The following WFDC3 variants were observed in gnomAD, a reference collection of about 807,000 sequenced individuals.
WFDC3 encodes the protein WAP four-disulfide core domain protein 3.
WFDC3 carries 15 observed loss-of-function variants against 25.8 expected under a neutral mutation model. The observed-to-expected ratio is 0.58, with a 90% CI of 0.39 to 0.89. The LOEUF (loss-of-function observed/expected upper bound fraction) is 0.89. Among genes scored for constraint, WFDC3 ranks in the 40% least tolerant of loss-of-function variants. The pLI is 0.00. For missense variants in WFDC3, 264 were observed against 289.8 expected (o/e 0.91, Z 0.65); for synonymous variants, 103 against 107.1 (o/e 0.96, Z 0.24).
chr20:45,784,418 A>G (rs1447857063), intron 4 of WFDC3, among the ~76,000 whole-genome samples: 1 of 152,158 alleles, frequency 6.6e-6, no homozygotes, highest in African/African-American at 2.4e-5. Flanking sequence ...GAAGAAAACC[A>G]TCCTGGTTTT....
chr20:45,791,601 A>T (rs927743234), intron 1 of WFDC3, among the ~76,000 whole-genome samples: 1 of 152,246 alleles, frequency 6.6e-6, no homozygotes, highest in African/African-American at 2.4e-5. Context: ...CTGGCCGAGC[A>T]TATTAAAATC....
Position 45,775,629 on chromosome 20 carries a change from G to T in WFDC3, c.494-27C>A, listed in dbSNP as rs1339102829. On this transcript the variant is annotated intron_variant, in intron 5 of 6. Coordinates refer to ENST00000243938, the MANE Select transcript of WFDC3 (RefSeq NM_080614.2). ...TGTGGGAACAACAGGCACAGGAAAA[G>T]GGACAGGGCATCAGCTCTGCCATCT... 3.7e-6 allele frequency: 6 copies of T among 1,613,004 alleles called. No homozygotes were observed. In the African/African-American group the frequency reaches 8.0e-5, roughly 22 times the overall value.
In WFDC3 at chr20:45,791,173, C is replaced by CTT. The variant is rs71181859; in HGVS notation, c.-8+657_-8+658dup. 1.3e-3 allele frequency among the ~76,000 whole-genome samples: 81 copies of CTT among 63,918 alleles called. 9 individuals are homozygous for CTT. Among genetic ancestry groups the CTT allele is most frequent in the South Asian group, 2.9e-3 (4 of 1,394 alleles). 41.9% of individuals were successfully genotyped at this position (63,918 alleles called of 152,430 possible). A position where few individuals can be genotyped will look rare whatever the true frequency, so the allele number is the denominator to read the frequency against. ...GATGACCTCATATGTGCCTAATATGCTTTTTTTTTTTTTTTTTTTTTTTTT... is the reference window on the plus strand; with the variant it reads ...GATGACCTCATATGTGCCTAATATGCTTTTTTTTTTTTTTTTTTTTTTTTTTT... On this transcript the variant is annotated intron_variant, in intron 1 of 6. Transcript: ENST00000243938.
chr20:45,775,392 G>A (rs1458950544), intron 6 of WFDC3, 25 bp downstream of exon 6: 1 of 1,609,046 alleles, frequency 6.2e-7, no homozygotes, highest in Non-Finnish European at 8.5e-7. Context: ...GTCTGTTATT[G>A]TTGATGACAA....
intron 4 of WFDC3, among the ~76,000 whole-genome samples, chr20:45,783,788 A>G (rs1161406317): frequency 6.6e-6 from 1 of 152,072 alleles, no homozygotes; most frequent in Non-Finnish European, 1.5e-5. Context: ...GGAAAGCGAA[A>G]TTTTTCATAG....
chr20:45,790,101 C>G, intron 1 of WFDC3, 119 bp from the exon 2 acceptor site: 1 of 650,360 alleles, frequency 1.5e-6, no homozygotes, highest in Admixed American at 2.8e-5. Flanking sequence ...CCTTCCCTTT[C>G]ACAATACTCC....
intron 4 of WFDC3, among the ~76,000 whole-genome samples, chr20:45,778,501 C>T (rs770860747): frequency 3.3e-5 from 5 of 152,220 alleles, no homozygotes; most frequent in Admixed American, 6.5e-5. Flanking sequence ...TACTCTCTTG[C>T]AACAAGGGGT....
rs1262365916 is a variant in WFDC3, at chr20:45,775,541, A to G, written c.555T>C (p.Asp185=). Residue 185 remains aspartate, a synonymous_variant, in exon 6 of 7, where the codon GAT becomes GAC. Transcript: ENST00000243938. ...VGLCIVGCVM[D]ENCQAGEKCC... is the part of the protein sequence containing the mutation. ...ATTTTTCTCCAGCTTGACAATTCTC[A>G]TCCATCACACAGCCAACAATGCACA... is the stretch of plus-strand genomic sequence containing the variant. The G allele has an allele frequency of 6.2e-7, 1 of 1,613,178 alleles. No individual in the cohort carries two copies. The highest frequency in any genetic ancestry group is 2.2e-5 in the East Asian group (1 of 44,868).
At chr20:45,788,198 G>A (rs994487111) in intron 3 of WFDC3, 22 of 353,650 alleles carry the variant, frequency 6.2e-5, no homozygotes, top group Non-Finnish European at 9.7e-5. Context: ...CAGCTACTTG[G>A]GAGGCTGAGG....
intron 4 of WFDC3, among the ~76,000 whole-genome samples, chr20:45,785,632 ATAT>A (rs1456450601): frequency 3.3e-5 from 5 of 152,124 alleles, no homozygotes; most frequent in African/African-American, 1.2e-4. Flanking sequence ...AAAATAGATA[ATAT>A]TATAATAAAA....
rs1045796694 is a variant in WFDC3, at chr20:45,788,159, CG to C, written c.212-178del. The C allele has an allele frequency of 1.9e-4, 102 of 534,678 alleles. No homozygotes were observed. In the African/African-American group the frequency reaches 2.0e-3, roughly 10 times the overall value. 33.1% of individuals were successfully genotyped at this position (534,678 alleles called of 1,614,324 possible). On this transcript the variant is annotated intron_variant, in intron 3 of 6. Coordinates refer to ENST00000243938, the MANE Select transcript of WFDC3 (RefSeq NM_080614.2). ...TCTCTACTAAAAATACAAAATTAGT[CG>C]GGGGTGGTGGCACATGCCTGTAAAT... is the stretch of plus-strand genomic sequence containing the variant.
intron 1 of WFDC3, among the ~76,000 whole-genome samples, chr20:45,790,427 G>C (rs1033441276): frequency 1.9e-4 from 29 of 152,210 alleles, no homozygotes; most frequent in African/African-American, 7.0e-4. Context: ...TGTGGCTCCT[G>C]TTCATCCTAG....
At chr20:45,779,992 TG>T (rs1332435861) in intron 4 of WFDC3, 5 of 151,322 alleles carry the variant, frequency 3.3e-5, no homozygotes, top group Middle Eastern at 3.4e-3. Context: ...CTCTAACACC[TG>T]GAATTAATGG....
At chr20:45,781,131 C>T (rs999484043) in intron 4 of WFDC3, among the ~76,000 whole-genome samples, 2 of 151,150 alleles carry the variant, frequency 1.3e-5, no homozygotes, top group Admixed American at 6.6e-5. Flanking sequence ...TGCCTGTAAT[C>T]CCAGCTACTG....
chr20:45,776,318 G>GTGTGTGTGTGTGTGTA (rs58644271), intron 5 of WFDC3, among the ~76,000 whole-genome samples: 8,032 of 139,620 alleles, frequency 0.058, 333 homozygotes, highest in Non-Finnish European at 0.089. Context: ...GTGTGTGTGT[G>GTGTGTGTGTGTGTGTA]TGTTTCCAGC....
At chr20:45,778,203 C>A (rs1452953222) in intron 4 of WFDC3, among the ~76,000 whole-genome samples, 1 of 152,138 alleles carries the variant, frequency 6.6e-6, no homozygotes, top group African/African-American at 2.4e-5. Context: ...TGATGAGATG[C>A]CCCATGGAGA....
intron 4 of WFDC3, among the ~76,000 whole-genome samples, chr20:45,782,468 C>G (rs779154638): frequency 2.0e-5 from 3 of 151,862 alleles, no homozygotes; most frequent in Non-Finnish European, 4.4e-5. Context: ...ACCTCCACCT[C>G]CTAGGTTCAA....
At chr20:45,787,468 T>C (rs546754109) in intron 4 of WFDC3, among the ~76,000 whole-genome samples, 10 of 151,830 alleles carry the variant, frequency 6.6e-5, no homozygotes, top group Admixed American at 6.6e-4. Flanking sequence ...TTTTTTTGTA[T>C]TTTTAGTAGA....
chr20:45,776,632 AAAAATATAT>A (rs1568697420), intron 5 of WFDC3, among the ~76,000 whole-genome samples: 5 of 68,216 alleles, frequency 7.3e-5, no homozygotes, highest in East Asian at 5.8e-4. Flanking sequence ...GAAAAAAAAA[AAAAATATAT>A]ATATATATAT....
Sources: gnomAD v4.1 joint callset for allele counts (sites outside exome capture counted in the v4.1 genomes callset) on GRCh38, gnomAD v4.1.1 for gene constraint, MANE v1.5 for transcripts, NCBI Gene and HGNC (gene_info 2026-07-23, HGNC 2026-07-21) for gene names.